Variants in ATP6V0A4 observed in about 807,000 individuals in gnomAD.
ATP6V0A4 encodes the protein ATPase H+ transporting V0 subunit a4.
Under a neutral mutation model 107.3 loss-of-function variants are expected in ATP6V0A4, and 86 were observed. The ratio of observed to expected loss-of-function variants is 0.80; its 90% CI spans 0.67 to 0.96. The LOEUF is 0.96. Among genes scored for constraint, ATP6V0A4 ranks in the 40% least tolerant of loss-of-function variants. The probability of loss-of-function intolerance (pLI) is 0.00; values close to 1 mark genes in which losing one functional copy is unlikely to be tolerated. For synonymous variants in ATP6V0A4, 353 were observed against 381.4 expected (o/e 0.93, Z 0.87); for missense variants, 908 against 1,045.6 (o/e 0.87, Z 1.81).
intron 14 of ATP6V0A4, among the ~76,000 whole-genome samples, chr7:138,743,115 G>A (rs1354442134): frequency 6.6e-6 from 1 of 152,044 alleles, no homozygotes; most frequent in Non-Finnish European, 1.5e-5. Flanking sequence ...GAGCCTCTCT[G>A]TGCCAACATC....
intron 11 of ATP6V0A4, among the ~76,000 whole-genome samples, 160 bp downstream of exon 11, chr7:138,752,465 A>G (rs1413010780): frequency 6.6e-6 from 1 of 152,004 alleles, no homozygotes; most frequent in Non-Finnish European, 1.5e-5. Flanking sequence ...AATTTCTTTT[A>G]TGTCCTCGAG....
chr7:138,745,658 C>CAAAAAAAAAAAAAAAAAAAAAA lies in ATP6V0A4; in HGVS notation c.1321-379_1321-378insTTTTTTTTTTTTTTTTTTTTTT, dbSNP rs566336992. Among the ~76,000 whole-genome samples, 65 of 42,720 alleles carry CAAAAAAAAAAAAAAAAAAAAAA rather than the reference C, an allele frequency of 1.5e-3. 11 individuals are homozygous for CAAAAAAAAAAAAAAAAAAAAAA. The highest frequency in any genetic ancestry group is 3.3e-3 in the African/African-American group (34 of 10,242). 28.0% of individuals were successfully genotyped at this position (42,720 alleles called of 152,430 possible). A position where few individuals can be genotyped will look rare whatever the true frequency, so the allele number is the denominator to read the frequency against. ...CACCACTGCGCTCCAGCCTGTGTCT[C>CAAAAAAAAAAAAAAAAAAAAAA]AAAAAAAAAAAAAGGCCGGGTGTGA... On this transcript the variant is annotated intron_variant, in intron 13 of 21. Transcript: ENST00000310018.
At chr7:138,760,474 AG>A (rs1363741239) in intron 7 of ATP6V0A4, among the ~76,000 whole-genome samples, 1 of 151,218 alleles carries the variant, frequency 6.6e-6, no homozygotes, top group East Asian at 1.9e-4. Flanking sequence ...AGAATATGAT[AG>A]ACCATTCATC....
In ATP6V0A4 at chr7:138,722,173, A is replaced by C. The variant is rs985916352; in HGVS notation, c.2011-148T>G. On this transcript the variant is annotated intron_variant, in intron 18 of 21. Transcript: ENST00000310018. ...CACTATCTCATTAAGCCCTCACAAC[A>C]ACCATTTTATATAAGCACAATTATC... 31 of 1,347,146 alleles carry C rather than the reference A, an allele frequency of 2.3e-5. 1 individual carries two copies. Among genetic ancestry groups the C allele is most frequent in the Non-Finnish European group, 2.8e-5 (27 of 980,124 alleles). The allele number at this position is 1,347,146 out of a possible 1,614,324, so 83.4% of individuals were successfully genotyped here.
At chr7:138,766,040 C>A (rs1383328583) in intron 5 of ATP6V0A4, among the ~76,000 whole-genome samples, 2 of 152,108 alleles carry the variant, frequency 1.3e-5, no homozygotes, top group African/African-American at 4.8e-5. Flanking sequence ...GCATGAGCCA[C>A]CATGGCCAGC....
intron 2 of ATP6V0A4, among the ~76,000 whole-genome samples, chr7:138,782,491 C>T (rs754126346): frequency 8.5e-5 from 13 of 152,230 alleles, no homozygotes; most frequent in Non-Finnish European, 1.6e-4. Context: ...GGGCAGCACA[C>T]TTCAACCCAT....
rs565099781 is a variant in ATP6V0A4, at chr7:138,722,554, C to T, written c.2011-529G>A. 7.3e-5 allele frequency among the ~76,000 whole-genome samples: 11 copies of T among 150,084 alleles called. No homozygotes were observed. In the South Asian group the frequency reaches 1.5e-3, roughly 20 times the overall value. ...CGTGGCTCACCTGGGGTCAGGAGTT[C>T]GAGACCAGCCTGGCACCCCGTCTCT... On this transcript the variant is annotated intron_variant, in intron 18 of 21. Coordinates refer to ENST00000310018, the MANE Select transcript of ATP6V0A4 (RefSeq NM_020632.3).
chr7:138,739,464 G>A, intron 15 of ATP6V0A4, 76 bp downstream of exon 15: 2 of 1,539,046 alleles, frequency 1.3e-6, no homozygotes, highest in Non-Finnish European at 1.8e-6. Flanking sequence ...GGCTTTGTTG[G>A]CCTTTTCTTC....
At chr7:138,737,640 G>A (rs966411219) in intron 15 of ATP6V0A4, among the ~76,000 whole-genome samples, 2 of 148,172 alleles carry the variant, frequency 1.3e-5, no homozygotes, top group Non-Finnish European at 3.0e-5. Context: ...GGAGTGCAGT[G>A]GTGTGATCTC....
intron 1 of ATP6V0A4, among the ~76,000 whole-genome samples, chr7:138,793,616 T>C (rs1357887225): frequency 6.6e-6 from 1 of 152,304 alleles, no homozygotes; most frequent in East Asian, 1.9e-4. Context: ...AAATTGGTCA[T>C]ATGGTGTCTT....
intron 16 of ATP6V0A4, 119 bp downstream of exon 16, chr7:138,734,017 T>G: frequency 8.6e-7 from 1 of 1,165,914 alleles, no homozygotes; most frequent in Non-Finnish European, 1.2e-6. Flanking sequence ...CCCAGGGAAG[T>G]ACCCCTCATA....
chr7:138,732,981 C>T lies in ATP6V0A4; in HGVS notation c.1804G>A (p.Asp602Asn). 1 of 1,613,776 alleles carries T rather than the reference C, an allele frequency of 6.2e-7. No homozygotes were observed. The highest frequency in any genetic ancestry group is 8.5e-7 in the Non-Finnish European group (1 of 1,179,882). The part of the protein sequence containing the change: ...FMIIFKWCCF[D>N]VHVSQHAPSI... ...GGGGCGTGCTGAGATACATGGACGT[C>T]AAAGCAGCACCATTTGAAAATGATC... is the stretch of plus-strand genomic sequence containing the variant. The change falls in exon 17 of 22, where the codon GAC (aspartate) becomes AAC (asparagine). Residue 602 changes from aspartate (D) to asparagine (N), a missense_variant. Coordinates refer to ENST00000310018, the MANE Select transcript of ATP6V0A4 (RefSeq NM_020632.3).
intron 21 of ATP6V0A4, among the ~76,000 whole-genome samples, chr7:138,708,486 G>A (rs1261789734): frequency 6.6e-6 from 1 of 152,142 alleles, no homozygotes; most frequent in Admixed American, 6.6e-5. Flanking sequence ...ATGAATAGTG[G>A]CCATAGAGGG....
intron 21 of ATP6V0A4, among the ~76,000 whole-genome samples, chr7:138,707,235 T>TATAATATTATATATA (rs1562972686): frequency 1.5e-5 from 1 of 67,994 alleles, no homozygotes; most frequent in African/African-American, 7.0e-5. Context: ...TATTATATAA[T>TATAATATTATATATA]ATATATTATA....
chr7:138,778,116 G>A (rs1807752445), intron 2 of ATP6V0A4, among the ~76,000 whole-genome samples: 1 of 152,294 alleles, frequency 6.6e-6, no homozygotes, highest in African/African-American at 2.4e-5. Context: ...GGTCATGCCT[G>A]TAATCCCAGC....
At chr7:138,755,460 G>A (rs1806462789) in intron 10 of ATP6V0A4, among the ~76,000 whole-genome samples, 4 of 152,170 alleles carry the variant, frequency 2.6e-5, no homozygotes, top group African/African-American at 9.7e-5. Flanking sequence ...CTAGGGCTGT[G>A]GTCAAATCTG....
At chr7:138,736,265 G>A (rs144894401) in intron 15 of ATP6V0A4, among the ~76,000 whole-genome samples, 2,711 of 152,058 alleles carry the variant, frequency 0.018, 26 homozygotes, top group Admixed American at 0.023. Flanking sequence ...TAAATAAAAA[G>A]AAAATTTTAA....
At chr7:138,741,324 G>C (rs973762061) in intron 14 of ATP6V0A4, among the ~76,000 whole-genome samples, 2 of 152,114 alleles carry the variant, frequency 1.3e-5, no homozygotes, top group Non-Finnish European at 2.9e-5. Flanking sequence ...ATGTGCAGTG[G>C]CAGCAGCTGA....
chr7:138,784,868 T>G (rs1808109331), intron 2 of ATP6V0A4, among the ~76,000 whole-genome samples: 1 of 152,178 alleles, frequency 6.6e-6, no homozygotes, highest in South Asian at 2.1e-4. Context: ...GGCAAAGCAC[T>G]TTCATGCCCT....
Sources: gnomAD v4.1 joint callset for allele counts (sites outside exome capture counted in the v4.1 genomes callset) on GRCh38, gnomAD v4.1.1 for gene constraint, MANE v1.5 for transcripts, NCBI Gene and HGNC (gene_info 2026-07-23, HGNC 2026-07-21) for gene names.